The following MYOF variants were observed in gnomAD, a reference collection of about 807,000 sequenced individuals.
The protein encoded by MYOF is myoferlin.
A neutral mutation model predicts 284.2 loss-of-function variants in MYOF; 244 were observed. The ratio of observed to expected loss-of-function variants is 0.86; its 90% CI spans 0.77 to 0.95. MYOF has a LOEUF of 0.95. MYOF is among the 40% of genes least tolerant of loss of function. The pLI is 0.00. For missense variants in MYOF, 2,496 were observed against 2,560.6 expected (o/e 0.97, Z 0.54); for synonymous variants, 904 against 919.7 (o/e 0.98, Z 0.31).
chr10:93,335,614 GCGGAGA>G (rs1843563690), intron 41 of MYOF, among the ~76,000 whole-genome samples: 1 of 134,526 alleles, frequency 7.4e-6, no homozygotes, highest in Non-Finnish European at 1.7e-5. Context: ...AGGAAGAGAT[GCGGAGA>G]TGGCTCAGTC....
At chr10:93,380,417 G>A (rs1846058816) in intron 20 of MYOF, among the ~76,000 whole-genome samples, 1 of 152,216 alleles carries the variant, frequency 6.6e-6, no homozygotes, top group African/African-American at 2.4e-5. Context: ...GCTTTAGCTG[G>A]CTACATAGGG....
Position 93,399,471 on chromosome 10 carries a change from A to C in MYOF, c.1142T>G (p.Val381Gly). The C allele has an allele frequency of 6.2e-7, 1 of 1,613,162 alleles. No homozygotes were observed. The change falls in exon 13 of 54, where the codon GTA (valine) becomes GGA (glycine). Residue 381 changes from valine to glycine, a missense_variant. This residue lies in a region of MYOF where 2,436 missense variants were observed against 2,480.7 expected (regional missense o/e 0.98). Transcript: ENST00000359263. The stretch of plus-strand genomic sequence containing the variant: ...TGCATTGCCTCCAAATATTTCCTTT[A>C]CTGTCTGTGAGAAGGCATCATCCAC... ...PQMDDAFSQT[V>G]KEIFGGNADK...
At chr10:93,337,586 G>C in intron 40 of MYOF, 1 of 473,170 alleles carries the variant, frequency 2.1e-6, no homozygotes, top group Non-Finnish European at 3.7e-6. Flanking sequence ...ATGCCTCCAA[G>C]CCCCAATGTG....
intron 32 of MYOF, 104 bp downstream of exon 32, chr10:93,353,707 A>AG (rs1169386257): frequency 1.1e-5 from 10 of 916,614 alleles, no homozygotes; most frequent in African/African-American, 3.4e-5. Context: ...CAACATGTAA[A>AG]GGGTTTTTGT....
rs1845650639 is a variant in MYOF at position 93,372,828 on chromosome 10, C to T, written c.2457+102G>A. ...GATGGGCTAGAATTGATCCCAATCA[C>T]CCTTACCATTCAATGATTTGCAAAT... On this transcript the variant is annotated intron_variant, in intron 24 of 53. Coordinates refer to ENST00000359263, the MANE Select transcript of MYOF (RefSeq NM_013451.4). The T allele has an allele frequency of 2.9e-6, 4 of 1,374,386 alleles. No homozygotes were observed. In the Admixed American group the frequency reaches 7.0e-5, roughly 24 times the overall value. The allele number at this position is 1,374,386 out of a possible 1,614,324, so 85.1% of individuals were successfully genotyped here.
intron 17 of MYOF, among the ~76,000 whole-genome samples, chr10:93,390,383 T>A (rs1479911031): frequency 6.6e-6 from 1 of 152,086 alleles, no homozygotes; most frequent in African/African-American, 2.4e-5. Flanking sequence ...AAAAGAAACA[T>A]TTAAATGAAA....
Position 93,482,242 on chromosome 10 carries a change from A to C in MYOF, c.-48T>G, listed in dbSNP as rs947597. On this transcript the variant is annotated 5_prime_UTR_variant, in exon 1 of 54. Coordinates refer to ENST00000359263, the MANE Select transcript of MYOF (RefSeq NM_013451.4). ...AGTTTCAGCAAACGAAGTGGAGACT[A>C]GGGCGCTGGAGCTCCGGGTCGCACC... 1,512,999 of 1,527,238 alleles carry C rather than the reference A, an allele frequency of 0.99. 750,487 individuals are homozygous for C. Among genetic ancestry groups the C allele is most frequent in the East Asian group, 1 (44,308 of 44,314 alleles). 94.6% of individuals were successfully genotyped at this position (1,527,238 alleles called of 1,614,324 possible).
intron 1 of MYOF, among the ~76,000 whole-genome samples, chr10:93,470,593 G>T (rs930266770): frequency 1.4e-4 from 21 of 151,998 alleles, no homozygotes; most frequent in African/African-American, 4.6e-4. Context: ...GCAGAGACAG[G>T]GTTTCATCAT....
rs1196810051 is a variant in MYOF, at chr10:93,387,985, C to T, written c.1582-72G>A. 11 of 1,199,358 alleles carry T rather than the reference C, an allele frequency of 9.2e-6. No homozygotes were observed. The East Asian group carries it at 2.3e-4, about 25-fold the overall frequency. The allele number at this position is 1,199,358 out of a possible 1,614,324, so 74.3% of individuals were successfully genotyped here. ...AAAGAATTCTGTGTCTCTAGTCAGG[C>T]TAATACAACTGCAAAAAGTTTCTCC... is the stretch of plus-strand genomic sequence containing the variant. On this transcript the variant is annotated intron_variant, in intron 18 of 53. Coordinates refer to ENST00000359263, the MANE Select transcript of MYOF (RefSeq NM_013451.4).
At chr10:93,315,048 C>T (rs2797583) in intron 50 of MYOF, among the ~76,000 whole-genome samples, 1 of 151,596 alleles carries the variant, frequency 6.6e-6, no homozygotes, top group South Asian at 2.1e-4. Context: ...GAGACTCTGT[C>T]TCAACAAACA....
chr10:93,445,911 C>A (rs144923585), intron 3 of MYOF, among the ~76,000 whole-genome samples: 4 of 152,280 alleles, frequency 2.6e-5, no homozygotes, highest in Admixed American at 2.0e-4. Context: ...GTAAGCAGAT[C>A]CTCAAAGGCC....
intron 3 of MYOF, among the ~76,000 whole-genome samples, chr10:93,451,035 T>G (rs148097320): frequency 6.6e-5 from 10 of 152,234 alleles, no homozygotes; most frequent in African/African-American, 2.2e-4. Context: ...TAAGCAGGTA[T>G]TCTGGTTTTA....
intron 38 of MYOF, chr10:93,341,923 G>A (rs1435088785): frequency 4.9e-5 from 63 of 1,289,622 alleles, no homozygotes; most frequent in Non-Finnish European, 6.0e-5. Flanking sequence ...ATGCACTGTC[G>A]CTGGAGAAGC....
intron 51 of MYOF, 100 bp from the exon 52 acceptor site, chr10:93,310,743 G>A: frequency 1.8e-6 from 2 of 1,116,748 alleles, no homozygotes; most frequent in Middle Eastern, 2.0e-4. Context: ...TTTTATTCTT[G>A]TAAAACAATC....
At position 93,342,002 on chromosome 10, in the gene MYOF, T is replaced by C. The variant is rs1024265500; in HGVS notation, c.4327-1838A>G. 8 of 1,273,712 alleles carry C rather than the reference T, an allele frequency of 6.3e-6. No individual in the cohort carries two copies. In the African/African-American group the frequency reaches 9.2e-5, roughly 15 times the overall value. The allele number at this position is 1,273,712 out of a possible 1,614,324, so 78.9% of individuals were successfully genotyped here. Reference sequence around the variant, plus strand: ...TGGAAGGTAATTGTTGAGATGGCCATGTACACATGTCCATGTTATCTGGCT... The same window carrying C: ...TGGAAGGTAATTGTTGAGATGGCCACGTACACATGTCCATGTTATCTGGCT... On this transcript the variant is annotated intron_variant, in intron 38 of 53. Transcript: ENST00000359263.
In MYOF at chr10:93,369,757, T is replaced by C. The variant is rs1237845380; in HGVS notation, c.2477A>G (p.Asn826Ser). The change falls in exon 25 of 54, where the codon AAC (asparagine) becomes AGC (serine). Residue 826 changes from asparagine (N) to serine (S), a missense_variant. Coordinates refer to ENST00000359263, the MANE Select transcript of MYOF (RefSeq NM_013451.4). ...IFLKYPQEKNNGPKVPVELRV... is the reference protein window; with the variant it reads ...IFLKYPQEKNSGPKVPVELRV... Reference sequence around the variant, plus strand: ...CAACTCCACAGGCACCTTTGGCCCGTTGTTTTTCTCCTGTGGATACTGTGA... The same window carrying C: ...CAACTCCACAGGCACCTTTGGCCCGCTGTTTTTCTCCTGTGGATACTGTGA... 1.2e-6 allele frequency: 2 copies of C among 1,614,170 alleles called. No homozygotes were observed. Among genetic ancestry groups the C allele is most frequent in the South Asian group, 1.1e-5 (1 of 91,082 alleles).
In MYOF at chr10:93,356,827, G is replaced by T; in HGVS notation, c.3142C>A (p.Gln1048Lys). The stretch of plus-strand genomic sequence containing the variant: ...AGAGAAGCATATTCCCAGCCCTCTT[G>T]GTCTTGCAATTCCTCCATGGCCTAA... Reference protein sequence around the residue: ...TARAMEELQDQEGWEYASLIG... With the variant: ...TARAMEELQDKEGWEYASLIG... The change falls in exon 30 of 54, where the codon CAA (glutamine) becomes AAA (lysine). Residue 1048 changes from glutamine (Q) to lysine (K), a missense_variant. By Grantham distance (53) the Gln-to-Lys change is moderately conservative (BLOSUM62 1). Transcript: ENST00000359263. 1.2e-6 allele frequency: 2 copies of T among 1,612,976 alleles called. No homozygotes were observed. Among genetic ancestry groups the T allele is most frequent in the Non-Finnish European group, 1.7e-6 (2 of 1,179,768 alleles).
At chr10:93,437,124 C>G (rs954596557) in intron 3 of MYOF, among the ~76,000 whole-genome samples, 2 of 152,150 alleles carry the variant, frequency 1.3e-5, no homozygotes, top group African/African-American at 4.8e-5. Flanking sequence ...GGAGTCGAGT[C>G]TCTATGTGAC....
chr10:93,329,616 C>T, intron 44 of MYOF, 48 bp downstream of exon 44: 1 of 1,608,036 alleles, frequency 6.2e-7, no homozygotes, highest in Non-Finnish European at 8.5e-7. Context: ...CCCCAGGTGC[C>T]AATGTCAGAG....
Sources: gnomAD v4.1 joint callset for allele counts (sites outside exome capture counted in the v4.1 genomes callset) on GRCh38, gnomAD v4.1.1 for gene constraint, gnomAD v4.1.1 regional missense constraint, MANE v1.5 for transcripts, NCBI Gene and HGNC (gene_info 2026-07-23, HGNC 2026-07-21) for gene names.